The following SPATA22 variants were observed in gnomAD, a reference collection of about 807,000 sequenced individuals.
SPATA22 encodes the protein spermatogenesis associated 22, also known as spermatogenesis-associated protein 22.
Under a neutral mutation model 47.8 loss-of-function variants are expected in SPATA22, and 29 were observed. That is an observed-to-expected ratio of 0.61 (90% confidence interval 0.45 to 0.83). The LOEUF is 0.83. Ranked by LOEUF, SPATA22 falls within the 40% of genes least tolerant of loss-of-function variation. The probability of loss-of-function intolerance (pLI) is 0.00; values close to 1 mark genes in which losing one functional copy is unlikely to be tolerated. For synonymous variants in SPATA22, 133 were observed against 140.9 expected (o/e 0.94, Z 0.40); for missense variants, 410 against 421.7 (o/e 0.97, Z 0.24).
intron 1 of SPATA22, among the ~76,000 whole-genome samples, chr17:3,510,345 C>G (rs1046637993): frequency 6.6e-6 from 1 of 152,172 alleles, no homozygotes; most frequent in East Asian, 1.9e-4. Flanking sequence ...AGGTGACATG[C>G]CTTATGGCTT....
chr17:3,489,479 T>A, intron 1 of SPATA22: 1 of 688,380 alleles, frequency 1.5e-6, no homozygotes, highest in South Asian at 1.7e-5. Flanking sequence ...TATTCCCCAA[T>A]GGCCAGGATA....
chr17:3,455,126 T>C (rs940891311), intron 5 of SPATA22, among the ~76,000 whole-genome samples: 1 of 148,548 alleles, frequency 6.7e-6, no homozygotes, highest in African/African-American at 2.4e-5. Context: ...TCATATCCTT[T>C]GCCCACTTTT....
chr17:3,444,558 G>T (rs1457861579), intron 7 of SPATA22, among the ~76,000 whole-genome samples: 1 of 152,106 alleles, frequency 6.6e-6, no homozygotes, highest in Admixed American at 6.6e-5. Flanking sequence ...AGACTATAGT[G>T]TGGAGCCTTA....
At chr17:3,478,627 TGCATTTCAGTGA>T (rs2073573398) in intron 1 of SPATA22, among the ~76,000 whole-genome samples, 1 of 152,226 alleles carries the variant, frequency 6.6e-6, no homozygotes, top group South Asian at 2.1e-4. Context: ...CCCAGTAGTA[TGCATTTCAGTGA>T]GCACAGTCTT....
chr17:3,495,312 A>G (rs1303406098), intron 1 of SPATA22, among the ~76,000 whole-genome samples: 2 of 152,148 alleles, frequency 1.3e-5, no homozygotes, highest in African/African-American at 4.8e-5. Context: ...AAAAAACATC[A>G]TAATAGCAAT....
chr17:3,507,913 T>C (rs1343747781), intron 1 of SPATA22, among the ~76,000 whole-genome samples: 1 of 152,212 alleles, frequency 6.6e-6, no homozygotes, highest in Non-Finnish European at 1.5e-5. Flanking sequence ...CCACCCTTTT[T>C]CTACCCGTCC....
chr17:3,500,157 G>A (rs2073972620), intron 1 of SPATA22: 1 of 152,270 alleles, frequency 6.6e-6, no homozygotes, highest in Admixed American at 6.5e-5. Context: ...GCAGGAAGCT[G>A]GGAGAGGTTG....
chr17:3,496,745 C>T lies in SPATA22; in HGVS notation c.-74+16667G>A, dbSNP rs117934665. Among the ~76,000 whole-genome samples, 18 of 152,318 alleles carry T rather than the reference C, an allele frequency of 1.2e-4. No individual in the cohort carries two copies. The East Asian group carries it at 3.5e-3, about 29-fold the overall frequency. Reference sequence around the variant, plus strand: ...AGTAGCGCTTCTCAAACTTGAGCCACATGACAATTATGGGGAGCTTTTTAA... The same window carrying T: ...AGTAGCGCTTCTCAAACTTGAGCCATATGACAATTATGGGGAGCTTTTTAA... On this transcript the variant is annotated intron_variant, in intron 1 of 8. Transcript: ENST00000541913.
At chr17:3,465,045 C>T (rs1162341495) in intron 3 of SPATA22, among the ~76,000 whole-genome samples, 3 of 136,312 alleles carry the variant, frequency 2.2e-5, no homozygotes, top group Non-Finnish European at 3.3e-5. Flanking sequence ...GCCCGGCCAG[C>T]CGCCCCGTCC....
chr17:3,513,846 T>C, exon 1 of SPATA22: 2 of 1,345,854 alleles, frequency 1.5e-6, no homozygotes, highest in Admixed American at 1.8e-5. Flanking sequence ...TCAAAGCCTC[T>C]CTGCACAGAG....
intron 6 of SPATA22, 42 bp from the exon 7 acceptor site, chr17:3,446,643 T>A: frequency 7.1e-7 from 1 of 1,417,080 alleles, no homozygotes. Flanking sequence ...AAAATATTTG[T>A]TTTTTTCATC....
chr17:3,460,922 G>C (rs1479021405), intron 5 of SPATA22, among the ~76,000 whole-genome samples: 1 of 152,020 alleles, frequency 6.6e-6, no homozygotes, highest in East Asian at 1.9e-4. Context: ...GCCAATTGTA[G>C]GGGCTTTGGC....
At chr17:3,500,068 C>CA (rs60554358) in intron 1 of SPATA22, 145,864 of 152,304 alleles carry the variant, frequency 0.96, 70,153 homozygotes, top group East Asian at 1. Flanking sequence ...AAACCAGCCA[C>CA]ACATTAAGCC....
At chr17:3,468,855 A>T in intron 2 of SPATA22, 2 of 923,678 alleles carry the variant, frequency 2.2e-6, no homozygotes, top group Non-Finnish European at 2.6e-6. Flanking sequence ...ATTATGCATC[A>T]TCATTCCCCT....
intron 1 of SPATA22, among the ~76,000 whole-genome samples, chr17:3,509,916 G>C (rs1460585445): frequency 6.6e-6 from 1 of 152,168 alleles, no homozygotes. Context: ...CTAATGACCA[G>C]TGATGATGAG....
chr17:3,477,294 G>C (rs905650278), intron 1 of SPATA22, among the ~76,000 whole-genome samples: 10 of 152,214 alleles, frequency 6.6e-5, no homozygotes, highest in Non-Finnish European at 1.0e-4. Context: ...TGAATTTTCA[G>C]AGCTTATATT....
At chr17:3,495,897 C>G (rs1339951891) in intron 1 of SPATA22, among the ~76,000 whole-genome samples, 1 of 151,968 alleles carries the variant, frequency 6.6e-6, no homozygotes, top group East Asian at 1.9e-4. Context: ...AAGGTAAAGA[C>G]TGGGGGAGAG....
chr17:3,456,065 T>C (rs2072986758), intron 5 of SPATA22, among the ~76,000 whole-genome samples: 1 of 152,190 alleles, frequency 6.6e-6, no homozygotes, highest in African/African-American at 2.4e-5. Context: ...CAATTGTGAA[T>C]GGGAATTCAC....
chr17:3,492,585 T>C (rs1381768237), intron 1 of SPATA22, among the ~76,000 whole-genome samples: 2 of 152,208 alleles, frequency 1.3e-5, no homozygotes, highest in East Asian at 1.9e-4. Context: ...TTTTGTGCCA[T>C]AGAAGAGGCT....
Sources: allele counts gnomAD v4.1 joint callset (sites outside exome capture counted in the v4.1 genomes callset), GRCh38; gene constraint gnomAD v4.1.1; transcripts MANE v1.5; gene names NCBI Gene and HGNC (gene_info 2026-07-23, HGNC 2026-07-21).